The following SLC22A8 variants were observed in gnomAD, a reference collection of about 807,000 sequenced individuals.
SLC22A8 encodes the protein solute carrier family 22 member 8.
A neutral mutation model predicts 48.4 loss-of-function variants in SLC22A8; 40 were observed. That is an observed-to-expected ratio of 0.83 (90% confidence interval 0.64 to 1.08). The LOEUF (loss-of-function observed/expected upper bound fraction) is 1.08, where lower values mean the gene tolerates loss of function less well. Ranked by LOEUF, SLC22A8 falls within the 50% of genes least tolerant of loss-of-function variation. The pLI, the probability that SLC22A8 is intolerant of heterozygous loss-of-function variation, is 0.00. For missense variants in SLC22A8, 606 were observed against 699.0 expected (o/e 0.87, Z 1.50); for synonymous variants, 268 against 286.3 (o/e 0.94, Z 0.65).
At chr11:63,009,826 T>C (rs2086597765) in intron 2 of SLC22A8, among the ~76,000 whole-genome samples, 1 of 152,070 alleles carries the variant, frequency 6.6e-6, no homozygotes, top group South Asian at 2.1e-4. Context: ...GGGACCCTCC[T>C]TAAAATCCCC....
At chr11:63,007,724 A>T (rs1388419628) in intron 2 of SLC22A8, among the ~76,000 whole-genome samples, 1 of 152,186 alleles carries the variant, frequency 6.6e-6, no homozygotes, top group Non-Finnish European at 1.5e-5. Context: ...ACTCACTGCC[A>T]TGCCTTTCTG....
chr11:62,999,147 G>C, intron 4 of SLC22A8, 58 bp from the exon 5 acceptor site: 1 of 1,478,834 alleles, frequency 6.8e-7, no homozygotes, highest in Non-Finnish European at 9.3e-7. Flanking sequence ...GCACCTCCGC[G>C]TGAAGGGGCA....
intron 2 of SLC22A8, among the ~76,000 whole-genome samples, chr11:63,002,224 A>G (rs1287846584): frequency 1.3e-5 from 2 of 152,102 alleles, no homozygotes; most frequent in Non-Finnish European, 2.9e-5. Context: ...TTTTATTTTT[A>G]TTTAAAAAAA....
rs747832381 is a variant in SLC22A8 at position 63,014,898 on chromosome 11, C to T, written c.61G>A (p.Val21Ile). 3.1e-6 allele frequency: 5 copies of T among 1,591,734 alleles called. No individual in the cohort carries two copies. Among genetic ancestry groups the T allele is most frequent in the South Asian group, 1.1e-5 (1 of 87,768 alleles). Residue 21 changes from valine (V) to isoleucine (I), a missense_variant, in exon 2 of 11, where the codon GTA becomes ATA. Val to Ile is a conservative substitution (Grantham distance 29). Transcript: ENST00000336232. ...AGGATCGGGAGGCCCAGTATGGCTA[C>T]ATGCAGGAACTGGAAATGGCCCATG... ...GSMGHFQFLH[V>I]AILGLPILNM...
chr11:62,994,807 T>C, intron 7 of SLC22A8, 51 bp from the exon 8 acceptor site: 1 of 1,411,122 alleles, frequency 7.1e-7, no homozygotes, highest in Non-Finnish European at 1.0e-6. Context: ...CAGAGGCCAC[T>C]CCCCATGCTG....
At chr11:63,011,615 T>A (rs905986891) in intron 2 of SLC22A8, among the ~76,000 whole-genome samples, 1 of 152,162 alleles carries the variant, frequency 6.6e-6, no homozygotes, top group African/African-American at 2.4e-5. Flanking sequence ...TCCCAGAGAC[T>A]CCAACTTCCT....
chr11:62,995,751 G>C lies in SLC22A8; in HGVS notation c.954C>G (p.Phe318Leu). 6.2e-7 allele frequency: 1 copy of C among 1,614,154 alleles called. No individual in the cohort carries two copies. The highest frequency in any genetic ancestry group is 8.5e-7 in the Non-Finnish European group (1 of 1,180,002). The change falls in exon 7 of 11, where the codon TTC becomes TTG. Residue 318 changes from phenylalanine to leucine, a missense_variant. Transcript: ENST00000336232. The part of the protein sequence containing the change: ...AKAKYTASDL[F>L]RIPMLRRMTF... ...TCATGCGGCGCAGCATGGGTATCCG[G>C]AACAGGTCACTTGCGGTGTACTTGG...
At chr11:62,998,882 G>T (rs1199693850) in intron 5 of SLC22A8, 39 bp downstream of exon 5, 2 of 1,561,488 alleles carry the variant, frequency 1.3e-6, no homozygotes, top group Admixed American at 1.7e-5. Context: ...TGGCCCTGGG[G>T]CACCTAAGGA....
chr11:62,996,289 T>C, intron 5 of SLC22A8, 137 bp from the exon 6 acceptor site: 6 of 892,168 alleles, frequency 6.7e-6, no homozygotes. Context: ...TTTCATGGAA[T>C]TTAAACTTGG....
chr11:62,993,985 C>T (rs1590686886), intron 8 of SLC22A8, 107 bp from the exon 9 acceptor site: 1 of 723,996 alleles, frequency 1.4e-6, no homozygotes, highest in East Asian at 2.6e-5. Flanking sequence ...CCAAGAAGCT[C>T]AGATCCAAAC....
At position 63,009,207 on chromosome 11, in the gene SLC22A8, CAACTGGG is replaced by C. The variant is rs565605994; in HGVS notation, c.333+5412_333+5418del. On this transcript the variant is annotated intron_variant, in intron 2 of 10. Coordinates refer to ENST00000336232, the MANE Select transcript of SLC22A8 (RefSeq NM_004254.4). Reference sequence around the variant, plus strand: ...AGTGCTGCTGGAGATGAGAGATGGGCAACTGGGGACTGGGGATTGGGATGAAGGAGGG... The same window carrying C: ...AGTGCTGCTGGAGATGAGAGATGGGCGACTGGGGATTGGGATGAAGGAGGG... 3.9e-4 allele frequency among the ~76,000 whole-genome samples: 59 copies of C among 152,214 alleles called. No individual in the cohort carries two copies. In the South Asian group the frequency reaches 0.012, roughly 30 times the overall value.
rs370397593 is a variant in SLC22A8, at chr11:63,009,208, A to G, written c.333+5418T>C. Among the ~76,000 whole-genome samples the G allele has an allele frequency of 3.3e-5, 5 of 152,084 alleles. No individual in the cohort carries two copies. In the South Asian group the frequency reaches 8.5e-4, roughly 26 times the overall value. On this transcript the variant is annotated intron_variant, in intron 2 of 10. Coordinates refer to ENST00000336232, the MANE Select transcript of SLC22A8 (RefSeq NM_004254.4). ...GTGCTGCTGGAGATGAGAGATGGGC[A>G]ACTGGGGACTGGGGATTGGGATGAA...
At chr11:63,000,692 T>A in intron 3 of SLC22A8, 28 bp downstream of exon 3, 1 of 1,489,572 alleles carries the variant, frequency 6.7e-7, no homozygotes, top group Non-Finnish European at 9.4e-7. Flanking sequence ...TGGGTCATGC[T>A]TCCATGGGCT....
Position 63,014,632 on chromosome 11 carries a change from C to T in SLC22A8, c.327G>A (p.Val109=). 6.3e-7 allele frequency: 1 copy of T among 1,587,456 alleles called. No homozygotes were observed. Among genetic ancestry groups the T allele is most frequent in the Non-Finnish European group, 8.6e-7 (1 of 1,160,804 alleles). Residue 109 remains valine, a synonymous_variant, in exon 2 of 11, where the codon GTG becomes GTA. Transcript: ENST00000336232. Reference sequence around the variant, plus strand: ...AGGGTTTGCCCAGGCATACCTCTGTCACAATGGAGTCCTTGGTGCTGTTGT... The same window carrying T: ...AGGGTTTGCCCAGGCATACCTCTGTTACAATGGAGTCCTTGGTGCTGTTGT... ...WVYNSTKDSI[V]TEWDLVCNSN... is the part of the protein sequence containing the mutation.
chr11:62,999,107 G>A lies in SLC22A8; in HGVS notation c.593-18C>T, dbSNP rs2086459822. 1 of 1,605,882 alleles carries A rather than the reference G, an allele frequency of 6.2e-7. No individual in the cohort carries two copies. ...TTCCACATCTGTGGGAGGAGTCCAAGCACCAGATTAGTGTTCTGCTAGGTC... is the reference window on the plus strand; with the variant it reads ...TTCCACATCTGTGGGAGGAGTCCAAACACCAGATTAGTGTTCTGCTAGGTC... On this transcript the variant is annotated intron_variant, in intron 4 of 10. Coordinates refer to ENST00000336232, the MANE Select transcript of SLC22A8 (RefSeq NM_004254.4).
chr11:63,015,131 G>A, intron 1 of SLC22A8, 148 bp from the exon 2 acceptor site: 1 of 521,172 alleles, frequency 1.9e-6, no homozygotes, highest in Non-Finnish European at 3.3e-6. Context: ...AGATGTGGAA[G>A]CTCAGGCATG....
chr11:63,006,595 G>GTTATTTTTTTT (rs2086557328), intron 2 of SLC22A8, among the ~76,000 whole-genome samples: 1 of 51,402 alleles, frequency 1.9e-5, no homozygotes, highest in African/African-American at 8.0e-5. Context: ...TCTCATTTGA[G>GTTATTTTTTTT]TTTTTTTTTT....
Position 63,014,903 on chromosome 11 carries a change from A to G in SLC22A8, c.56T>C (p.Leu19Pro). The G allele has an allele frequency of 6.3e-7, 1 of 1,588,696 alleles. No individual in the cohort carries two copies. The highest frequency in any genetic ancestry group is 8.6e-7 in the Non-Finnish European group (1 of 1,164,180). ...RVGSMGHFQFLHVAILGLPIL... is the reference protein window; with the variant it reads ...RVGSMGHFQFPHVAILGLPIL... ...CGGGAGGCCCAGTATGGCTACATGC[A>G]GGAACTGGAAATGGCCCATGCTTCC... Residue 19 changes from leucine to proline, a missense_variant, in exon 2 of 11, where the codon CTG becomes CCG. Leu to Pro is a moderately conservative substitution (Grantham distance 98). Transcript: ENST00000336232.
intron 7 of SLC22A8, 108 bp from the exon 8 acceptor site, chr11:62,994,864 C>T: frequency 1.2e-6 from 1 of 816,406 alleles, no homozygotes; most frequent in Non-Finnish European, 2.1e-6. Flanking sequence ...CTTGTGCCAA[C>T]TGCAACTGAT....
Sources: allele counts gnomAD v4.1 joint callset (sites outside exome capture counted in the v4.1 genomes callset), GRCh38; gene constraint gnomAD v4.1.1; transcripts MANE v1.5; gene names NCBI Gene and HGNC (gene_info 2026-07-23, HGNC 2026-07-21).